LRIG1: variants seen among roughly 807,000 people sequenced by gnomAD.
The protein encoded by LRIG1 is leucine-rich repeats and immunoglobulin-like domains protein 1.
LRIG1 carries 48 observed loss-of-function variants against 99.2 expected under a neutral mutation model. The observed-to-expected ratio is 0.48, with a 90% CI of 0.38 to 0.62. The LOEUF is 0.62. Among genes scored for constraint, LRIG1 ranks in the 20% least tolerant of loss-of-function variants. The pLI is 0.00. For synonymous variants in LRIG1, 772 were observed against 596.1 expected (o/e 1.29, Z -4.30); for missense variants, 1,646 against 1,434.4 (o/e 1.15, Z -2.38).
intron 3 of LRIG1, among the ~76,000 whole-genome samples, chr3:66,417,933 C>CTCATTTGGAAGATGGGGCCACAACCCA (rs1702664705): frequency 6.6e-6 from 1 of 152,160 alleles, no homozygotes; most frequent in Non-Finnish European, 1.5e-5. Flanking sequence ...CCTCGGTTTT[C>CTCATTTGGAAGATGGGGCCACAACCCA]TCATTTGGAA....
chr3:66,495,726 C>T (rs868280903), intron 1 of LRIG1, among the ~76,000 whole-genome samples: 1 of 152,242 alleles, frequency 6.6e-6, no homozygotes. Context: ...ATCTAACAGA[C>T]CTTCAGGGCT....
chr3:66,447,739 A>G (rs1328627250), intron 3 of LRIG1, among the ~76,000 whole-genome samples: 2 of 152,238 alleles, frequency 1.3e-5, no homozygotes. Flanking sequence ...GAAAAATTCA[A>G]CGATTTCCAC....
At chr3:66,479,527 A>G (rs574549192) in intron 1 of LRIG1, among the ~76,000 whole-genome samples, 1 of 152,330 alleles carries the variant, frequency 6.6e-6, no homozygotes, top group East Asian at 1.9e-4. Flanking sequence ...GCACACTACC[A>G]ACCAGGGGAA....
At chr3:66,443,936 C>T (rs893473487) in intron 3 of LRIG1, among the ~76,000 whole-genome samples, 3 of 152,152 alleles carry the variant, frequency 2.0e-5, no homozygotes, top group Admixed American at 6.5e-5. Flanking sequence ...TAGGAAAGGG[C>T]AATGGGGCAG....
intron 12 of LRIG1, among the ~76,000 whole-genome samples, chr3:66,390,210 T>C (rs1701561164): frequency 6.6e-6 from 1 of 152,004 alleles, no homozygotes; most frequent in South Asian, 2.1e-4. Context: ...TGATCACATA[T>C]AAAGAAAATC....
At chr3:66,427,815 G>A (rs1300578443) in intron 3 of LRIG1, among the ~76,000 whole-genome samples, 1 of 152,084 alleles carries the variant, frequency 6.6e-6, no homozygotes, top group Non-Finnish European at 1.5e-5. Context: ...TCCTCCCAAA[G>A]GAAACCTCTA....
intron 8 of LRIG1, among the ~76,000 whole-genome samples, chr3:66,406,849 A>G (rs1559781998): frequency 6.6e-6 from 1 of 152,212 alleles, no homozygotes; most frequent in Non-Finnish European, 1.5e-5. Flanking sequence ...GCTTTTGGAA[A>G]GGAGGCATCT....
intron 3 of LRIG1, among the ~76,000 whole-genome samples, chr3:66,450,576 A>G (rs369174622): frequency 3.3e-5 from 5 of 152,184 alleles, no homozygotes; most frequent in Non-Finnish European, 7.3e-5. Context: ...TCCTGAACAC[A>G]GGGCATGCTG....
At chr3:66,385,186 T>C (rs1251031945) in intron 13 of LRIG1, among the ~76,000 whole-genome samples, 1 of 152,086 alleles carries the variant, frequency 6.6e-6, no homozygotes, top group Non-Finnish European at 1.5e-5. Flanking sequence ...CATGGTCCCC[T>C]TGACAAGCTC....
chr3:66,462,392 G>T, intron 2 of LRIG1, 46 bp downstream of exon 2: 2 of 1,429,354 alleles, frequency 1.4e-6, no homozygotes, highest in Non-Finnish European at 9.8e-7. Flanking sequence ...TTTTCCCAAA[G>T]AGCTCTCCAT....
intron 1 of LRIG1, among the ~76,000 whole-genome samples, chr3:66,498,537 A>T (rs1297793057): frequency 6.6e-6 from 1 of 150,928 alleles, no homozygotes; most frequent in African/African-American, 2.5e-5. Context: ...TAAGAAGTTA[A>T]TCTGATTTTG....
chr3:66,415,471 G>C (rs1702592537), intron 4 of LRIG1, among the ~76,000 whole-genome samples: 1 of 152,156 alleles, frequency 6.6e-6, no homozygotes, highest in African/African-American at 2.4e-5. Flanking sequence ...TGAAAGGCAA[G>C]GTCAGTGTTA....
At chr3:66,476,950 T>C (rs1032433856) in intron 1 of LRIG1, among the ~76,000 whole-genome samples, 5 of 152,226 alleles carry the variant, frequency 3.3e-5, no homozygotes, top group African/African-American at 1.2e-4. Context: ...ACTGATGCAC[T>C]GTGACGCACG....
intron 7 of LRIG1, 32 bp from the exon 8 acceptor site, chr3:66,407,523 C>G (rs752375833): frequency 5.6e-6 from 9 of 1,608,596 alleles, no homozygotes; most frequent in African/African-American, 1.3e-5. Context: ...ATGTCACCAT[C>G]TAGTGTGGTT....
At chr3:66,391,790 G>T (rs1701630244) in intron 12 of LRIG1, among the ~76,000 whole-genome samples, 1 of 151,902 alleles carries the variant, frequency 6.6e-6, no homozygotes, top group Non-Finnish European at 1.5e-5. Flanking sequence ...CTTTTTAAAA[G>T]CAGCTTTATT....
intron 9 of LRIG1, chr3:66,404,362 C>G: frequency 7.8e-7 from 1 of 1,280,308 alleles, no homozygotes; most frequent in Non-Finnish European, 1.0e-6. Flanking sequence ...TCCTCTCTGT[C>G]TTGCCCTCCT....
In LRIG1 at chr3:66,444,823, T is replaced by G. The variant is rs1158435367; in HGVS notation, c.365+6736A>C. Reference sequence around the variant, plus strand: ...AAATCTGTGCAAACAGGGAAGGAAGTGAACACATCTTTGAAAACTCAGAAG... The same window carrying G: ...AAATCTGTGCAAACAGGGAAGGAAGGGAACACATCTTTGAAAACTCAGAAG... On this transcript the variant is annotated intron_variant, in intron 3 of 18. Transcript: ENST00000273261. Among the ~76,000 whole-genome samples the G allele has an allele frequency of 3.9e-5, 6 of 151,942 alleles. No homozygotes were observed. The East Asian group carries it at 7.7e-4, about 20-fold the overall frequency.
chr3:66,451,508 ACACCATGGCCC>A, intron 3 of LRIG1, 40 bp downstream of exon 3: 1 of 1,535,516 alleles, frequency 6.5e-7, no homozygotes, highest in Non-Finnish European at 8.9e-7. Context: ...AAGGCAACAA[ACACCATGGCCC>A]CACCACACAG....
chr3:66,450,600 C>T (rs143685391), intron 3 of LRIG1, among the ~76,000 whole-genome samples: 19 of 152,230 alleles, frequency 1.2e-4, no homozygotes, highest in Middle Eastern at 3.4e-3. Flanking sequence ...GCCAAAGATC[C>T]GAGATCTGTA....
Sources: allele counts gnomAD v4.1 joint callset (sites outside exome capture counted in the v4.1 genomes callset), GRCh38; gene constraint gnomAD v4.1.1; transcripts MANE v1.5; gene names NCBI Gene and HGNC (gene_info 2026-07-23, HGNC 2026-07-21).